Variants in WWOX observed in about 807,000 individuals in gnomAD.
WWOX encodes the protein WW domain-containing oxidoreductase.
Under a neutral mutation model 46.2 loss-of-function variants are expected in WWOX, and 69 were observed. The ratio of observed to expected loss-of-function variants is 1.49; its 90% CI spans 1.23 to 1.82. The LOEUF (loss-of-function observed/expected upper bound fraction) is 1.82. Ranked by LOEUF, WWOX falls within the 40% of genes most tolerant of loss-of-function variation. The probability of loss-of-function intolerance (pLI) is 0.00; values close to 1 mark genes in which losing one functional copy is unlikely to be tolerated. For synonymous variants in WWOX, 359 were observed against 202.6 expected (o/e 1.77, Z -6.56); for missense variants, 919 against 542.6 (o/e 1.69, Z -6.89).
intron 8 of WWOX, among the ~76,000 whole-genome samples, chr16:79,117,769 C>T (rs1020730612): frequency 2.0e-5 from 3 of 152,204 alleles, no homozygotes; most frequent in Non-Finnish European, 4.4e-5. Context: ...CGGCTTTCTT[C>T]CTTAAACCTC....
chr16:78,705,720 C>T (rs770593991), intron 8 of WWOX, among the ~76,000 whole-genome samples: 15 of 152,076 alleles, frequency 9.9e-5, no homozygotes, highest in Admixed American at 1.3e-4. Flanking sequence ...TTTTCTATGC[C>T]TTTGGTGACT....
At chr16:78,453,350 G>C (rs539813341) in intron 8 of WWOX, among the ~76,000 whole-genome samples, 1 of 151,952 alleles carries the variant, frequency 6.6e-6, no homozygotes, top group Admixed American at 6.5e-5. Flanking sequence ...TTGAACCCGA[G>C]AGGTGGAGGT....
chr16:78,105,028 G>C lies in WWOX; in HGVS notation c.108-3395G>C, dbSNP rs186899008. The stretch of plus-strand genomic sequence containing the variant: ...ACTCTCTCTGCTTCAGCTGGTTCCG[G>C]ATTCTTCCCCAGGGATGGTTGTGTC... On this transcript the variant is annotated intron_variant, in intron 1 of 8. Transcript: ENST00000566780. 3.9e-5 allele frequency among the ~76,000 whole-genome samples: 6 copies of C among 152,328 alleles called. No individual in the cohort carries two copies. In the East Asian group the frequency reaches 9.6e-4, roughly 24 times the overall value.
chr16:78,783,860 CTGATGATGGTGATGACGATGATAATGG>C (rs964168160), intron 8 of WWOX, among the ~76,000 whole-genome samples: 11 of 140,604 alleles, frequency 7.8e-5, no homozygotes, highest in Non-Finnish European at 1.4e-4. Context: ...TGATATGACG[CTGATGATGGTGATGACGATGATAATGG>C]TGATGATGGT....
At chr16:78,671,931 G>A (rs1027412940) in intron 8 of WWOX, among the ~76,000 whole-genome samples, 1 of 152,078 alleles carries the variant, frequency 6.6e-6, no homozygotes, top group Non-Finnish European at 1.5e-5. Context: ...ATCTCAACCC[G>A]TTAGGATTTG....
chr16:78,222,866 C>T (rs750970239), intron 5 of WWOX, among the ~76,000 whole-genome samples: 8 of 152,138 alleles, frequency 5.3e-5, no homozygotes, highest in Non-Finnish European at 1.0e-4. Flanking sequence ...AAGATCTTCC[C>T]GCTCGCTGTG....
intron 5 of WWOX, among the ~76,000 whole-genome samples, chr16:78,178,248 A>C (rs889427116): frequency 2.0e-5 from 3 of 152,316 alleles, no homozygotes; most frequent in African/African-American, 7.2e-5. Context: ...CCGTCCCAGC[A>C]CTTCTGTGCT....
chr16:78,702,341 AG>A (rs1454537874), intron 8 of WWOX, among the ~76,000 whole-genome samples: 4 of 151,676 alleles, frequency 2.6e-5, no homozygotes, highest in Non-Finnish European at 5.9e-5. Context: ...TCTTGTAGAC[AG>A]AGAAGCTGGT....
chr16:78,163,838 TC>T (rs1567607238), intron 4 of WWOX, among the ~76,000 whole-genome samples: 5 of 152,194 alleles, frequency 3.3e-5, no homozygotes, highest in African/African-American at 1.2e-4. Flanking sequence ...CTCTTCTATG[TC>T]CCAGTCTTCA....
rs1201986931 is a variant in WWOX, at chr16:78,908,499, C to T, written c.1057-303109C>T. Among the ~76,000 whole-genome samples the T allele has an allele frequency of 5.3e-5, 8 of 150,952 alleles. 1 individual carries two copies. Among genetic ancestry groups the T allele is most frequent in the Admixed American group, 5.3e-4 (8 of 15,192 alleles). Reference sequence around the variant, plus strand: ...AGGCTGCAGTGAGTCGAGATCACACCACTGCACTCCAGCCTGGGCGACAGA... The same window carrying T: ...AGGCTGCAGTGAGTCGAGATCACACTACTGCACTCCAGCCTGGGCGACAGA... On this transcript the variant is annotated intron_variant, in intron 8 of 8. Coordinates refer to ENST00000566780, the MANE Select transcript of WWOX (RefSeq NM_016373.4).
intron 5 of WWOX, among the ~76,000 whole-genome samples, chr16:78,279,093 A>G (rs141364119): frequency 1.3e-5 from 2 of 152,338 alleles, no homozygotes; most frequent in East Asian, 1.9e-4. Flanking sequence ...TTCGCTGTCA[A>G]TGGCTATTCA....
At chr16:78,538,241 A>G (rs1031149914) in intron 8 of WWOX, among the ~76,000 whole-genome samples, 3 of 151,210 alleles carry the variant, frequency 2.0e-5, no homozygotes, top group Non-Finnish European at 2.9e-5. Flanking sequence ...AAAAAAAAAA[A>G]AAAAAGCGGG....
intron 8 of WWOX, among the ~76,000 whole-genome samples, chr16:78,726,794 G>C (rs1018272525): frequency 5.9e-5 from 9 of 152,016 alleles, no homozygotes; most frequent in Admixed American, 1.3e-4. Context: ...GGGGCAATGA[G>C]GAGGTAGTCC....
At chr16:78,316,229 G>C (rs551238822) in intron 5 of WWOX, among the ~76,000 whole-genome samples, 1 of 152,142 alleles carries the variant, frequency 6.6e-6, no homozygotes, top group Non-Finnish European at 1.5e-5. Context: ...CTGGGCAACA[G>C]AGCCACATCT....
At chr16:78,248,313 A>G (rs2037877489) in intron 5 of WWOX, among the ~76,000 whole-genome samples, 1 of 152,112 alleles carries the variant, frequency 6.6e-6, no homozygotes, top group Admixed American at 6.5e-5. Context: ...GGTGCAAAAC[A>G]CTTTTCAACA....
chr16:78,607,267 C>G (rs1332195552), intron 8 of WWOX, among the ~76,000 whole-genome samples: 1 of 152,086 alleles, frequency 6.6e-6, no homozygotes, highest in Admixed American at 6.6e-5. Flanking sequence ...ATTTAATAAA[C>G]TATATTAAAA....
chr16:79,062,216 G>C (rs1394954187), intron 8 of WWOX, among the ~76,000 whole-genome samples: 1 of 152,204 alleles, frequency 6.6e-6, no homozygotes, highest in African/African-American at 2.4e-5. Context: ...AGAAGCGTAA[G>C]TGTATCTTAC....
At chr16:78,180,857 G>A (rs1466857310) in intron 5 of WWOX, among the ~76,000 whole-genome samples, 1 of 152,162 alleles carries the variant, frequency 6.6e-6, no homozygotes, top group Non-Finnish European at 1.5e-5. Flanking sequence ...TCCAGCAGAC[G>A]TCCGGACTGT....
At chr16:78,175,667 G>T (rs910281774) in intron 5 of WWOX, among the ~76,000 whole-genome samples, 2 of 152,162 alleles carry the variant, frequency 1.3e-5, no homozygotes, top group Non-Finnish European at 2.9e-5. Flanking sequence ...CTGAGGCCCT[G>T]GCTGATTCAT....
Sources: allele counts gnomAD v4.1 joint callset (sites outside exome capture counted in the v4.1 genomes callset), GRCh38; gene constraint gnomAD v4.1.1; transcripts MANE v1.5; gene names NCBI Gene and HGNC (gene_info 2026-07-23, HGNC 2026-07-21).